Variants in HUWE1 observed in about 807,000 individuals in gnomAD.
The protein encoded by HUWE1 is E3 ubiquitin-protein ligase HUWE1.
In HUWE1, 18 loss-of-function variants were observed where a neutral mutation model predicts 299.4. That is an observed-to-expected ratio of 0.06 (90% CI 0.04 to 0.09). The LOEUF (loss-of-function observed/expected upper bound fraction) is 0.09. Among genes scored for constraint, HUWE1 ranks in the 10% least tolerant of loss-of-function variants. HUWE1 has a pLI of 1.00. For missense variants in HUWE1, 1,832 were observed against 3,462.3 expected (o/e 0.53, Z 11.82); for synonymous variants, 1,317 against 1,286.1 (o/e 1.02, Z -0.51).
At chrX:53,680,964 A>G (rs1216491215) in intron 2 of HUWE1, among the ~76,000 whole-genome samples, 2 of 111,206 alleles carry the variant, frequency 1.8e-5, no homozygotes, top group African/African-American at 6.6e-5. Flanking sequence ...GTCCACATAC[A>G]GCTAATTGTG....
intron 74 of HUWE1, among the ~76,000 whole-genome samples, chrX:53,541,657 G>A (rs954699808): frequency 1.8e-5 from 2 of 111,343 alleles, no homozygotes; most frequent in Non-Finnish European, 3.8e-5. Flanking sequence ...TTGAGGCCAG[G>A]AGTTCAAGAC....
intron 71 of HUWE1, 69 bp from the exon 72 acceptor site, chrX:53,544,831 C>T: frequency 2.0e-6 from 2 of 987,646 alleles, no homozygotes; most frequent in Non-Finnish European, 2.9e-6. Flanking sequence ...GCAAGCAAGG[C>T]TTCCTGGTGT....
chrX:53,683,308 ACTACTGC>A (rs2070283065), intron 2 of HUWE1, among the ~76,000 whole-genome samples: 2 of 111,097 alleles, frequency 1.8e-5, no homozygotes. Context: ...CACCAGTGAC[ACTACTGC>A]TTGAACCCTA....
At chrX:53,554,524 G>A (rs1166736334) in intron 61 of HUWE1, 109 bp downstream of exon 61, 8 of 785,803 alleles carry the variant, frequency 1.0e-5, no homozygotes, top group African/African-American at 4.1e-5. Flanking sequence ...TATTATTTGA[G>A]AAGTTGAACT....
rs2066728420 is a variant in HUWE1, at chrX:53,629,439, CAA to C, written c.963+75_963+76del. 10 of 681,862 alleles carry C rather than the reference CAA, an allele frequency of 1.5e-5. No homozygotes were observed. The South Asian group carries it at 1.8e-4, about 12-fold the overall frequency. 56.2% of individuals were successfully genotyped at this position (681,862 alleles called of 1,213,427 possible). A position where few individuals can be genotyped will look rare whatever the true frequency, so the allele number is the denominator to read the frequency against. On this transcript the variant is annotated intron_variant, in intron 13 of 83. Transcript: ENST00000262854. ...TATATGCAAATATCCCCTCCCCCCC[CAA>C]AAAAGTCTCAAATCCAAAATACTTC... is the stretch of plus-strand genomic sequence containing the variant.
chrX:53,535,563 T>A, intron 80 of HUWE1, 62 bp from the exon 81 acceptor site: 3 of 745,712 alleles, frequency 4.0e-6, no homozygotes. Context: ...ATTAGATACC[T>A]AGGAACACAC....
In HUWE1 at chrX:53,549,033, T is replaced by C. The variant is rs2061662159; in HGVS notation, c.9961A>G (p.Thr3321Ala). 2 of 1,207,302 alleles carry C rather than the reference T, an allele frequency of 1.7e-6. No individual in the cohort carries two copies. Among genetic ancestry groups the C allele is most frequent in the Non-Finnish European group, 2.2e-6 (2 of 894,042 alleles). The part of the protein sequence containing the change: ...HTEKHASGGS[T>A]VHIHPQAAPV... Reference sequence around the variant, plus strand: ...GCAGCTTGGGGATGGATGTGGACGGTGGAGCCACCGCTTGCATGCTTCTCG... The same window carrying C: ...GCAGCTTGGGGATGGATGTGGACGGCGGAGCCACCGCTTGCATGCTTCTCG... The change falls in exon 67 of 84, where the codon ACC (threonine) becomes GCC (alanine). Residue 3321 changes from threonine (T) to alanine (A), a missense_variant. Around this residue, in one of 15 missense-constraint regions of HUWE1, gnomAD observed 80 missense variants for 142.1 expected, o/e 0.56. Coordinates refer to ENST00000262854, the MANE Select transcript of HUWE1 (RefSeq NM_031407.7).
In HUWE1 at chrX:53,549,197, T is replaced by C. The variant is rs201752906; in HGVS notation, c.9797A>G (p.Asn3266Ser). The change falls in exon 67 of 84, where the codon AAC becomes AGC. Residue 3266 changes from asparagine (N) to serine (S), a missense_variant. By Grantham distance (46) the Asn-to-Ser change is conservative. This residue lies in a region of HUWE1 where 80 missense variants were observed against 142.1 expected (regional missense o/e 0.56). Coordinates refer to ENST00000262854, the MANE Select transcript of HUWE1 (RefSeq NM_031407.7). The part of the protein sequence containing the change: ...SKSCGSSSHE[N>S]RPLDLLHKME... ...CTTGTGTAGCAGGTCCAGGGGACGG[T>C]TCTCATGGCTACTTGACCCACAGCT... is the stretch of plus-strand genomic sequence containing the variant. 1.1e-4 allele frequency: 132 copies of C among 1,210,584 alleles called. No homozygotes were observed. The South Asian group carries it at 1.2e-3, about 11-fold the overall frequency.
chrX:53,569,474 C>T (rs2082350243), intron 48 of HUWE1, 142 bp downstream of exon 48: 3 of 562,522 alleles, frequency 5.3e-6, no homozygotes, highest in Non-Finnish European at 6.1e-6. Flanking sequence ...TTTCCAACCG[C>T]CAGAACTATT....
intron 78 of HUWE1, 47 bp downstream of exon 78, chrX:53,537,509 G>A: frequency 8.4e-7 from 1 of 1,189,552 alleles, no homozygotes; most frequent in Non-Finnish European, 1.1e-6. Context: ...CTGTGCAGGA[G>A]GCCCCACCTC....
rs1457857314 is a variant in HUWE1, at chrX:53,565,536, A to T, written c.6708-297T>A. 3.6e-5 allele frequency among the ~76,000 whole-genome samples: 4 copies of T among 110,327 alleles called. No individual in the cohort carries two copies. The East Asian group carries it at 1.1e-3, about 31-fold the overall frequency. On this transcript the variant is annotated intron_variant, in intron 49 of 83. Transcript: ENST00000262854. ...TATTCTGGATGACCACATGCAAGCA[A>T]GCCACTTCTCGGATGTACTCAGGAT...
At chrX:53,537,831 G>T in intron 77 of HUWE1, 135 bp from the exon 78 acceptor site, 1 of 676,656 alleles carries the variant, frequency 1.5e-6, no homozygotes, top group Non-Finnish European at 2.2e-6. Flanking sequence ...CACCTGTTTG[G>T]GAAATGCCCA....
chrX:53,547,703 T>C lies in HUWE1; in HGVS notation c.10606A>G (p.Thr3536Ala). 8.3e-7 allele frequency: 1 copy of C among 1,208,121 alleles called. No homozygotes were observed. The highest frequency in any genetic ancestry group is 1.1e-6 in the Non-Finnish European group (1 of 893,729). ...ACAGTAGTGGTAGCAGTCGTGGGGG[T>C]AGTCACTGTGGTCGAAGCAGCTACG... ...IVVAASTTVT[T>A]PTTATTTVSI... is the part of the protein sequence containing the mutation. Residue 3536 changes from threonine to alanine, a missense_variant, in exon 68 of 84, where the codon ACC becomes GCC. Transcript: ENST00000262854.
Position 53,608,899 on chromosome X carries a change from T to C in HUWE1, c.2272A>G (p.Thr758Ala), listed in dbSNP as rs2148720787. ...AGGGGAATAGGAATACGTTCCTCTG[T>C]ACCAACAACCCTGTTAGGGGAGAAA... Reference protein sequence around the residue: ...ETEPNQQVVGTEERIPIPLMD... With the variant: ...ETEPNQQVVGAEERIPIPLMD... Residue 758 changes from threonine to alanine, a missense_variant, in exon 24 of 84, where the codon ACA becomes GCA. This residue lies in a region of HUWE1 where 658 missense variants were observed against 1,282.6 expected (regional missense o/e 0.51). Transcript: ENST00000262854. The C allele has an allele frequency of 8.7e-7, 1 of 1,152,411 alleles. No individual in the cohort carries two copies. The highest frequency in any genetic ancestry group is 1.2e-6 in the Non-Finnish European group (1 of 841,080). 95.0% of individuals were successfully genotyped at this position (1,152,411 alleles called of 1,213,427 possible).
At chrX:53,539,885 G>A (rs1684281073) in intron 74 of HUWE1, 73 bp from the exon 75 acceptor site, 8 of 997,147 alleles carry the variant, frequency 8.0e-6, no homozygotes, top group South Asian at 4.3e-5. Flanking sequence ...TAGACCACAC[G>A]CACCAACTAA....
rs781947222 is a variant in HUWE1 at position 53,602,652 on chromosome X, T to C, written c.2883A>G (p.Pro961=). 3.5e-6 allele frequency: 4 copies of C among 1,127,759 alleles called. No homozygotes were observed. The highest frequency in any genetic ancestry group is 4.9e-6 in the Non-Finnish European group (4 of 820,942). 92.9% of individuals were successfully genotyped at this position (1,127,759 alleles called of 1,213,427 possible). A position where few individuals can be genotyped will look rare whatever the true frequency, so the allele number is the denominator to read the frequency against. Residue 961 remains proline (P), a synonymous_variant, in exon 28 of 84, where the codon CCA becomes CCG. Coordinates refer to ENST00000262854, the MANE Select transcript of HUWE1 (RefSeq NM_031407.7). Reference sequence around the variant, plus strand: ...CTGCCTGGCCAAATTCACACCCAGATGGTAGGCTGCAAAAAGAGAAATGCT... The same window carrying C: ...CTGCCTGGCCAAATTCACACCCAGACGGTAGGCTGCAAAAAGAGAAATGCT... ...LLSLCTPNSL[P]SGCEFGQADM... is the part of the protein sequence containing the mutation.
chrX:53,648,784 A>T (rs2068264526), intron 4 of HUWE1, among the ~76,000 whole-genome samples: 1 of 111,989 alleles, frequency 8.9e-6, no homozygotes, highest in Admixed American at 9.5e-5. Flanking sequence ...GATTAGCACT[A>T]GCTATATTTT....
At chrX:53,595,008 C>T (rs1239771143) in intron 30 of HUWE1, among the ~76,000 whole-genome samples, 179 bp downstream of exon 30, 2 of 111,853 alleles carry the variant, frequency 1.8e-5, no homozygotes, top group Non-Finnish European at 3.8e-5. Context: ...TAAAATATTA[C>T]CCATGTTCTG....
chrX:53,578,669 G>T, intron 43 of HUWE1, among the ~76,000 whole-genome samples: 1 of 89,291 alleles, frequency 1.1e-5, no homozygotes. Context: ...CCCCATCCGG[G>T]AGGGAGGTGG....
Sources: gnomAD v4.1 joint callset for allele counts (sites outside exome capture counted in the v4.1 genomes callset) on GRCh38, gnomAD v4.1.1 for gene constraint, gnomAD v4.1.1 regional missense constraint, MANE v1.5 for transcripts, NCBI Gene and HGNC (gene_info 2026-07-23, HGNC 2026-07-21) for gene names.